The following TET3 variants were observed in gnomAD, a reference collection of about 807,000 sequenced individuals.
TET3 encodes the protein tet methylcytosine dioxygenase 3.
Under a neutral mutation model 141.4 loss-of-function variants are expected in TET3, and 19 were observed. The observed-to-expected ratio is 0.13, with a 90% CI of 0.09 to 0.20. The LOEUF (loss-of-function observed/expected upper bound fraction) is 0.20, where lower values mean the gene tolerates loss of function less well. Among genes scored for constraint, TET3 ranks in the 10% least tolerant of loss-of-function variants. The pLI is 1.00. For missense variants in TET3, 1,874 were observed against 2,356.9 expected, an observed-to-expected ratio of 0.80 and a Z score of 4.24; for synonymous variants, 1,043 against 980.9, an observed-to-expected ratio of 1.06 and a Z score of -1.18.
intron 3 of TET3, among the ~76,000 whole-genome samples, chr2:74,027,378 A>G (rs1045524002): frequency 6.7e-6 from 1 of 149,970 alleles, no homozygotes; most frequent in African/African-American, 2.5e-5. Context: ...ATTGAGATAT[A>G]AATCATATAC....
At chr2:74,048,510 G>A in intron 4 of TET3, 99 bp downstream of exon 4, 4 of 1,277,208 alleles carry the variant, frequency 3.1e-6, no homozygotes, top group Non-Finnish European at 4.3e-6. Context: ...ACATTTATTT[G>A]TGCCAACTGC....
chr2:74,030,726 C>T (rs1165239885), intron 3 of TET3, among the ~76,000 whole-genome samples: 1 of 152,094 alleles, frequency 6.6e-6, no homozygotes, highest in Non-Finnish European at 1.5e-5. Context: ...GAATATGAGT[C>T]CAACAGTAGT....
At chr2:74,038,143 G>A (rs961995449) in intron 3 of TET3, among the ~76,000 whole-genome samples, 1 of 152,168 alleles carries the variant, frequency 6.6e-6, no homozygotes, top group Middle Eastern at 3.2e-3. Context: ...CTAGCCAGGC[G>A]GGGTGCAGGG....
Position 74,101,756 on chromosome 2 carries a change from G to A in TET3, c.4968G>A (p.Val1656=). Residue 1656 remains valine, a synonymous_variant, in exon 12 of 12, where the codon GTG becomes GTA. Coordinates refer to ENST00000409262, the MANE Select transcript of TET3 (RefSeq NM_001287491.2). The surrounding 1 kb of genome is among the most constrained non-coding windows in gnomAD (Gnocchi z 8.5). ...FLDENIGGVA[V]APAHGSILIE... ...ACGAGAACATCGGCGGCGTGGCCGT[G>A]GCCCCAGCCCACGGCTCCATCCTCA... 1.2e-6 allele frequency: 2 copies of A among 1,613,184 alleles called. No individual in the cohort carries two copies. Among genetic ancestry groups the A allele is most frequent in the Non-Finnish European group, 1.7e-6 (2 of 1,179,876 alleles).
intron 3 of TET3, among the ~76,000 whole-genome samples, chr2:74,039,237 C>G (rs1468021543): frequency 2.0e-5 from 3 of 152,206 alleles, no homozygotes; most frequent in Non-Finnish European, 4.4e-5. Flanking sequence ...GATTCTGTGC[C>G]TTTTCACATG....
At chr2:74,048,465 G>A in intron 4 of TET3, 54 bp downstream of exon 4, 1 of 1,515,906 alleles carries the variant, frequency 6.6e-7, no homozygotes, top group Admixed American at 2.2e-5. Context: ...GGCCTGGTGA[G>A]CTAGGATTTC....
chr2:73,998,677 C>T (rs999154467), intron 2 of TET3: 8 of 152,194 alleles, frequency 5.3e-5, no homozygotes, highest in African/African-American at 9.7e-5. Flanking sequence ...CCATGACAAC[C>T]GTAAAGAGTT....
In TET3 at chr2:74,087,516, T is replaced by C. The variant is rs1419154290; in HGVS notation, c.2680-314T>C. 1.3e-5 allele frequency among the ~76,000 whole-genome samples: 2 copies of C among 152,224 alleles called. No individual in the cohort carries two copies. Among genetic ancestry groups the C allele is most frequent in the Non-Finnish European group, 2.9e-5 (2 of 68,038 alleles). On this transcript the variant is annotated intron_variant, in intron 6 of 11. Transcript: ENST00000409262. This position sits in a 1 kb window ranked among gnomAD's most constrained non-coding sequence, Gnocchi z 4.3. ...ACTGTATTTTGGCTTACAATTTTTA[T>C]CTGTGTATTTTTACTCCTAAGCCTA... is the stretch of plus-strand genomic sequence containing the variant.
intron 3 of TET3, among the ~76,000 whole-genome samples, chr2:74,034,492 A>C (rs1686920432): frequency 1.3e-5 from 2 of 149,334 alleles, no homozygotes; most frequent in African/African-American, 4.9e-5. Context: ...ATAAGTTTGC[A>C]TTTCTGTACA....
intron 5 of TET3, among the ~76,000 whole-genome samples, chr2:74,077,932 G>T (rs1689603416): frequency 1.3e-5 from 2 of 152,220 alleles, no homozygotes; most frequent in Middle Eastern, 3.2e-3. Context: ...AATGAAAGTT[G>T]TCCAGGAACC....
At chr2:74,036,197 C>T (rs1426962494) in intron 3 of TET3, among the ~76,000 whole-genome samples, 15 of 152,088 alleles carry the variant, frequency 9.9e-5, no homozygotes, top group Non-Finnish European at 1.9e-4. Flanking sequence ...AAAACAGAGG[C>T]GCAGAGAGAT....
At chr2:74,031,299 A>G (rs894666783) in intron 3 of TET3, among the ~76,000 whole-genome samples, 1 of 152,038 alleles carries the variant, frequency 6.6e-6, no homozygotes, top group East Asian at 1.9e-4. Flanking sequence ...TGGGCAGGTG[A>G]GTGGGTGATC....
In TET3 at chr2:74,076,457, T is replaced by G. The variant is rs941127413; in HGVS notation, c.2585+2818T>G. ...TTCCTCTGGGTTTTTTTTTTTTTTT[T>G]TTTTTTTTTTTTTGTCTATTTTATT... On this transcript the variant is annotated intron_variant, in intron 5 of 11. Transcript: ENST00000409262. 2.8e-3 allele frequency among the ~76,000 whole-genome samples: 405 copies of G among 143,242 alleles called. 3 individuals carry two copies. Among genetic ancestry groups the G allele is most frequent in the Non-Finnish European group, 5.0e-3 (335 of 66,696 alleles). 94.0% of individuals were successfully genotyped at this position (143,242 alleles called of 152,430 possible).
At chr2:74,109,394 TAATAC>T (rs1691647879), downstream of TET3, among the ~76,000 whole-genome samples, 1 of 152,248 alleles carries the variant, frequency 6.6e-6, no homozygotes, top group African/African-American at 2.4e-5. Flanking sequence ...TGGAATACAA[TAATAC>T]AATCTTGTAA....
chr2:74,119,352 C>CAA, the TET3 span, among the ~76,000 whole-genome samples: 77 of 107,608 alleles, frequency 7.2e-4, no homozygotes, highest in African/African-American at 2.0e-3. Context: ...GACTCTATCT[C>CAA]AAAAAAAAAA....
intron 3 of TET3, among the ~76,000 whole-genome samples, chr2:74,034,161 T>TAA (rs1215640945): frequency 1.4e-5 from 2 of 138,106 alleles, no homozygotes; most frequent in African/African-American, 5.3e-5. Flanking sequence ...AATTCGTCAT[T>TAA]AAAAAAAAAA....
chr2:74,087,943 T>A lies in TET3; in HGVS notation c.2793T>A (p.Ile931=). Residue 931 remains isoleucine (I), a synonymous_variant, in exon 7 of 12, where the codon ATT becomes ATA. Transcript: ENST00000409262. The surrounding 1 kb of genome is among the most constrained non-coding windows in gnomAD (Gnocchi z 4.3). ...IVILILAWEG[I]PRSLGDTLYQ... is the part of the protein sequence containing the mutation. ...TCCTCATCCTGGCCTGGGAGGGCATTCCCCGTAGCCTCGGAGACACCCTCT... is the reference window on the plus strand; with the variant it reads ...TCCTCATCCTGGCCTGGGAGGGCATACCCCGTAGCCTCGGAGACACCCTCT... 1 of 1,553,676 alleles carries A rather than the reference T, an allele frequency of 6.4e-7. No individual in the cohort carries two copies. The highest frequency in any genetic ancestry group is 1.2e-5 in the South Asian group (1 of 84,124).
intron 3 of TET3, among the ~76,000 whole-genome samples, chr2:74,008,603 C>G (rs1483621326): frequency 6.6e-6 from 1 of 152,212 alleles, no homozygotes; most frequent in African/African-American, 2.4e-5. Flanking sequence ...TAAACAAAGA[C>G]ATCTTAATAT....
Position 74,003,193 on chromosome 2 carries a change from T to C in TET3, c.360+27T>C, listed in dbSNP as rs1429105251. On this transcript the variant is annotated intron_variant, in intron 3 of 11. Coordinates refer to ENST00000409262, the MANE Select transcript of TET3 (RefSeq NM_001287491.2). ...TACCTTGTGTGTGTGCGTGCGTGTG[T>C]GTGCGTGTGTGTGGTGGCGGTGAAG... 1.1e-5 allele frequency: 13 copies of C among 1,232,028 alleles called. No homozygotes were observed. In the Admixed American group the frequency reaches 1.3e-4, roughly 13 times the overall value. 76.3% of individuals were successfully genotyped at this position (1,232,028 alleles called of 1,614,324 possible).
Sources: gnomAD v4.1 joint callset for allele counts (sites outside exome capture counted in the v4.1 genomes callset) on GRCh38, gnomAD v4.1.1 for gene constraint, Gnocchi (gnomAD v3.1) non-coding constraint, MANE v1.5 for transcripts, NCBI Gene and HGNC (gene_info 2026-07-23, HGNC 2026-07-21) for gene names.